The following C17orf99 variants were observed in gnomAD, a reference collection of about 807,000 sequenced individuals.
C17orf99 encodes the protein protein IL-40.
A neutral mutation model predicts 22.6 loss-of-function variants in C17orf99; 18 were observed. That is an observed-to-expected ratio of 0.80 (90% CI 0.55 to 1.18). The LOEUF is 1.18. Ranked by LOEUF, C17orf99 falls within the 50% of genes most tolerant of loss-of-function variation. The probability of loss-of-function intolerance (pLI) is 0.00; values close to 1 mark genes in which losing one functional copy is unlikely to be tolerated. For synonymous variants in C17orf99, 147 were observed against 136.6 expected, an observed-to-expected ratio of 1.08 and a Z score of -0.53; for missense variants, 328 against 342.7, an observed-to-expected ratio of 0.96 and a Z score of 0.34.
intron 2 of C17orf99, among the ~76,000 whole-genome samples, chr17:78,153,291 C>T (rs1465824838): frequency 6.6e-6 from 1 of 152,044 alleles, no homozygotes; most frequent in Non-Finnish European, 1.5e-5. Flanking sequence ...CAAGACCAGC[C>T]TGGCCAACAT....
At chr17:78,153,639 G>A (rs765626109) in intron 2 of C17orf99, among the ~76,000 whole-genome samples, 4 of 152,086 alleles carry the variant, frequency 2.6e-5, no homozygotes, top group African/African-American at 7.2e-5. Flanking sequence ...AGTCAAGATC[G>A]TTTCCCTTCG....
In C17orf99 at chr17:78,155,135, T is replaced by TGTTG. The variant is rs1202993394; in HGVS notation, c.71-5820_71-5819insGTTG. ...CAGCAGCAACCCCTATTTTTTTTTT[T>TGTTG]TTTTTTTTGTGGAGATGGGGTCTTG... On this transcript the variant is annotated intron_variant, in intron 2 of 4. Coordinates refer to ENST00000340363, the MANE Select transcript of C17orf99 (RefSeq NM_001163075.2). Among the ~76,000 whole-genome samples the TGTTG allele has an allele frequency of 4.1e-4, 62 of 150,816 alleles. No homozygotes were observed. The South Asian group carries it at 9.7e-3, about 24-fold the overall frequency.
intron 2 of C17orf99, among the ~76,000 whole-genome samples, chr17:78,153,888 C>T (rs2075504815): frequency 6.9e-6 from 1 of 145,892 alleles, no homozygotes; most frequent in South Asian, 2.2e-4. Context: ...CCATGAAAGC[C>T]TGTTTAGGGA....
intron 3 of C17orf99, among the ~76,000 whole-genome samples, 160 bp downstream of exon 3, chr17:78,161,414 C>T (rs1456083964): frequency 6.6e-6 from 1 of 152,150 alleles, no homozygotes; most frequent in Non-Finnish European, 1.5e-5. Flanking sequence ...ATTCTCAGTC[C>T]CTTGGGGCCT....
intron 2 of C17orf99, among the ~76,000 whole-genome samples, chr17:78,156,640 T>G (rs1229580039): frequency 2.0e-5 from 3 of 152,108 alleles, no homozygotes; most frequent in Non-Finnish European, 4.4e-5. Context: ...AAACAGGGTC[T>G]CACTCTTTCA....
At chr17:78,149,626 A>G (rs190567985) in intron 2 of C17orf99, among the ~76,000 whole-genome samples, 288 of 152,226 alleles carry the variant, frequency 1.9e-3, no homozygotes, top group African/African-American at 6.5e-3. Context: ...CTTAACCGCC[A>G]GGGCTTAATC....
rs61377640 is a variant in C17orf99 at position 78,166,155 on chromosome 17, CAAAAAAAAAAAAA to C, written c.*119_*131del. The C allele has an allele frequency of 1.4e-5, 2 of 145,748 alleles. No individual in the cohort carries two copies. Among genetic ancestry groups the C allele is most frequent in the Non-Finnish European group, 2.4e-5 (2 of 84,638 alleles). 9.0% of individuals were successfully genotyped at this position (145,748 alleles called of 1,614,324 possible). On this transcript the variant is annotated 3_prime_UTR_variant, in exon 5 of 5. Transcript: ENST00000340363. ...GAGTGTGTTTTAGCTGCTCTTGCCA[CAAAAAAAAAAAAA>C]AAAAAAAAAGGGTAACTATGAGAGA...
In C17orf99 at chr17:78,161,159, G is replaced by A. The variant is rs769041437; in HGVS notation, c.275G>A (p.Ser92Asn). ...SFNLNVTLKS[S>N]PDLLTYFCWA... ...AACCTCAACGTCACACTCAAGTCCA[G>A]TCCAGACCTGCTCACCTACTTCTGC... Residue 92 changes from serine (S) to asparagine (N), a missense_variant, in exon 3 of 5, where the codon AGT becomes AAT. Coordinates refer to ENST00000340363, the MANE Select transcript of C17orf99 (RefSeq NM_001163075.2). 1.3e-6 allele frequency: 2 copies of A among 1,551,788 alleles called. No homozygotes were observed. The highest frequency in any genetic ancestry group is 2.4e-5 in the South Asian group (2 of 84,066).
intron 2 of C17orf99, chr17:78,157,573 C>T (rs1297263536): frequency 7.0e-5 from 47 of 666,750 alleles, no homozygotes; most frequent in Admixed American, 5.6e-5. Flanking sequence ...CCGAGGCAGG[C>T]GGATCACAAG....
In C17orf99 at chr17:78,161,265, T is replaced by C. The variant is rs1567821991; in HGVS notation, c.370+11T>C. 1.3e-6 allele frequency: 2 copies of C among 1,549,524 alleles called. No individual in the cohort carries two copies. Among genetic ancestry groups the C allele is most frequent in the Non-Finnish European group, 1.7e-6 (2 of 1,145,420 alleles). On this transcript the variant is annotated intron_variant, in intron 3 of 4. Transcript: ENST00000340363. The stretch of plus-strand genomic sequence containing the variant: ...GGGAGCTGTGGTCCAGTGAGTGCGG[T>C]GGGGGGCACAGGGCTGAGGAGGCAG...
intron 3 of C17orf99, among the ~76,000 whole-genome samples, chr17:78,163,026 C>T (rs2075589955): frequency 6.6e-6 from 1 of 152,232 alleles, no homozygotes; most frequent in Non-Finnish European, 1.5e-5. Flanking sequence ...CTCAAGTGAT[C>T]CACCTACCTA....
intron 2 of C17orf99, 180 bp from the exon 3 acceptor site, chr17:78,160,775 C>T: frequency 1.7e-6 from 1 of 602,194 alleles, no homozygotes; most frequent in Non-Finnish European, 2.9e-6. Context: ...TAGAGACAGA[C>T]TTTCACCATG....
At position 78,164,278 on chromosome 17, in the gene C17orf99, T is replaced by C; in HGVS notation, c.554T>C (p.Leu185Pro). 6.4e-7 allele frequency: 1 copy of C among 1,551,574 alleles called. No individual in the cohort carries two copies. The highest frequency in any genetic ancestry group is 8.7e-7 in the Non-Finnish European group (1 of 1,147,008). Residue 185 changes from leucine to proline, a missense_variant, in exon 4 of 5, where the codon CTG (leucine) becomes CCG (proline). By Grantham distance (98) the Leu-to-Pro change is moderately conservative. Coordinates refer to ENST00000340363, the MANE Select transcript of C17orf99 (RefSeq NM_001163075.2). ...CHRQPANFSF[L>P]PSQTSDWFWC... is the part of the protein sequence containing the mutation. The stretch of plus-strand genomic sequence containing the variant: ...AGGCAGCCTGCCAACTTCTCCTTCC[T>C]GCCGAGCCAGACATCGGACTGGTTC...
chr17:78,164,584 C>T, intron 4 of C17orf99: 1 of 1,528,604 alleles, frequency 6.5e-7, no homozygotes, highest in South Asian at 1.2e-5. Flanking sequence ...CCCAGGGCAC[C>T]CACCATCGTG....
chr17:78,158,245 C>G, intron 2 of C17orf99: 1 of 570,172 alleles, frequency 1.8e-6, no homozygotes, highest in Non-Finnish European at 3.4e-6. Flanking sequence ...GAGGCCCCCT[C>G]CCCCAGGCTG....
intron 2 of C17orf99, among the ~76,000 whole-genome samples, chr17:78,149,564 C>T (rs574577602): frequency 3.9e-5 from 6 of 152,180 alleles, no homozygotes; most frequent in Non-Finnish European, 7.4e-5. Flanking sequence ...CACAGGGTCT[C>T]GTTCTGTCAC....
chr17:78,160,769 G>T, intron 2 of C17orf99, 186 bp from the exon 3 acceptor site: 1 of 596,864 alleles, frequency 1.7e-6, no homozygotes, highest in Non-Finnish European at 3.0e-6. Context: ...TTTTAGTAGA[G>T]ACAGACTTTC....
intron 4 of C17orf99, 103 bp downstream of exon 4, chr17:78,164,467 C>G: frequency 6.5e-7 from 1 of 1,546,412 alleles, no homozygotes; most frequent in Non-Finnish European, 8.7e-7. Context: ...CAGCTCTACC[C>G]GGCCACTGCT....
At chr17:78,162,761 A>G (rs931969563) in intron 3 of C17orf99, among the ~76,000 whole-genome samples, 3 of 152,204 alleles carry the variant, frequency 2.0e-5, no homozygotes, top group Non-Finnish European at 4.4e-5. Context: ...CCTGGACCAC[A>G]GAGTGATACT....
Sources: gnomAD v4.1 joint callset for allele counts (sites outside exome capture counted in the v4.1 genomes callset) on GRCh38, gnomAD v4.1.1 for gene constraint, MANE v1.5 for transcripts, NCBI Gene and HGNC (gene_info 2026-07-23, HGNC 2026-07-21) for gene names.